Variants in RFT1 observed in about 807,000 individuals in gnomAD.
RFT1 encodes man(5)GlcNAc(2)-PP-dolichol translocation protein RFT1.
Under a neutral mutation model 62.2 loss-of-function variants are expected in RFT1, and 43 were observed. The observed-to-expected ratio is 0.69, with a 90% CI of 0.54 to 0.89. The LOEUF (loss-of-function observed/expected upper bound fraction) is 0.89, where lower values mean the gene tolerates loss of function less well. Among genes scored for constraint, RFT1 ranks in the 40% least tolerant of loss-of-function variants. The pLI, the probability that RFT1 is intolerant of heterozygous loss-of-function variation, is 0.00. For synonymous variants in RFT1, 262 were observed against 264.6 expected, an observed-to-expected ratio of 0.99 and a Z score of 0.10; for missense variants, 605 against 649.9, an observed-to-expected ratio of 0.93 and a Z score of 0.75.
At chr3:53,072,198 C>T in the RFT1 span, among the ~76,000 whole-genome samples, 1 of 152,112 alleles carries the variant, frequency 6.6e-6, no homozygotes, top group South Asian at 2.1e-4. Context: ...CTCATGTCAG[C>T]GAGGTCACAG....
At chr3:53,076,572 C>T in the RFT1 span, among the ~76,000 whole-genome samples, 36 of 152,230 alleles carry the variant, frequency 2.4e-4, no homozygotes, top group South Asian at 3.5e-3. Flanking sequence ...TATCAACTTA[C>T]GCCAAATCAT....
downstream of RFT1, among the ~76,000 whole-genome samples, chr3:53,086,376 C>T (rs1700854675): frequency 6.6e-6 from 1 of 152,024 alleles, no homozygotes; most frequent in Non-Finnish European, 1.5e-5. Flanking sequence ...AGTGCAGTGG[C>T]GCGATCTTGG....
the RFT1 span, among the ~76,000 whole-genome samples, chr3:53,071,912 C>A: frequency 1.3e-5 from 2 of 152,208 alleles, no homozygotes; most frequent in Non-Finnish European, 2.9e-5. Flanking sequence ...CAGTGAGGGG[C>A]AGCAGGGCTG....
At chr3:53,119,046 AC>A (rs1486510255) in intron 6 of RFT1, among the ~76,000 whole-genome samples, 1 of 138,936 alleles carries the variant, frequency 7.2e-6, no homozygotes, top group Non-Finnish European at 1.7e-5. Flanking sequence ...CCCTGTCTCT[AC>A]AAAAAAAAAT....
At chr3:53,093,751 T>C (rs56058643) in intron 11 of RFT1, among the ~76,000 whole-genome samples, 41,139 of 151,964 alleles carry the variant, frequency 0.27, 6,056 homozygotes, top group Middle Eastern at 0.4. Flanking sequence ...CCAGGGTTGG[T>C]GGCACACACC....
downstream of RFT1, among the ~76,000 whole-genome samples, chr3:53,087,967 A>G (rs531869742): frequency 1.5e-3 from 234 of 152,372 alleles, 2 homozygotes; most frequent in African/African-American, 5.5e-3. Context: ...AATTCTGGAA[A>G]TAACAGTCTT....
At chr3:53,077,131 T>A in the RFT1 span, among the ~76,000 whole-genome samples, 1 of 151,988 alleles carries the variant, frequency 6.6e-6, no homozygotes, top group African/African-American at 2.4e-5. Flanking sequence ...GTACCATACG[T>A]GTATTGTTTT....
intron 1 of RFT1, 106 bp from the exon 2 acceptor site, chr3:53,126,100 T>C (rs1361157540): frequency 3.3e-6 from 3 of 900,654 alleles, no homozygotes; most frequent in Non-Finnish European, 5.3e-6. Flanking sequence ...TGTAATGACA[T>C]ACAGCAGCTT....
At chr3:53,070,403 T>G in the RFT1 span, among the ~76,000 whole-genome samples, 12 of 137,288 alleles carry the variant, frequency 8.7e-5, no homozygotes, top group East Asian at 6.4e-4. Flanking sequence ...GTTTTTTTTT[T>G]TTTTTTTTTT....
chr3:53,107,791 G>A (rs1245364434), intron 7 of RFT1, among the ~76,000 whole-genome samples: 1 of 152,036 alleles, frequency 6.6e-6, no homozygotes, highest in Non-Finnish European at 1.5e-5. Flanking sequence ...CTATGGAAAA[G>A]GAGCACTAAA....
At chr3:53,073,311 G>C in the RFT1 span, among the ~76,000 whole-genome samples, 126 of 152,372 alleles carry the variant, frequency 8.3e-4, no homozygotes, top group African/African-American at 2.8e-3. Context: ...TGGGTGAGGA[G>C]AGAACCTGGG....
At chr3:53,110,466 C>A (rs574352313) in intron 7 of RFT1, among the ~76,000 whole-genome samples, 34 of 152,282 alleles carry the variant, frequency 2.2e-4, no homozygotes, top group South Asian at 1.9e-3. Context: ...CTCCCTTCCC[C>A]GAGAAGGCCT....
In RFT1 at chr3:53,089,518, T is replaced by C. The variant is rs1416607528; in HGVS notation, c.*2385A>G. On this transcript the variant is annotated 3_prime_UTR_variant, in exon 13 of 13. Coordinates refer to ENST00000296292, the MANE Select transcript of RFT1 (RefSeq NM_052859.4). ...AGTGAGGCAGGCTGGCCCACATGTA[T>C]GCAAGCTCCCTGAGGCACAGCTGTG... 1 of 152,242 alleles carries C rather than the reference T, an allele frequency of 6.6e-6. No homozygotes were observed. 9.4% of individuals were successfully genotyped at this position (152,242 alleles called of 1,614,324 possible).
chr3:53,069,138 C>A, the RFT1 span, among the ~76,000 whole-genome samples: 4 of 152,154 alleles, frequency 2.6e-5, no homozygotes, highest in South Asian at 2.1e-4. Flanking sequence ...CGGGGTTTCA[C>A]CATGTTGGCG....
chr3:53,099,277 A>AG, intron 11 of RFT1, 104 bp downstream of exon 11: 1 of 893,520 alleles, frequency 1.1e-6, no homozygotes, highest in South Asian at 1.4e-5. Flanking sequence ...CCTCTAAAAC[A>AG]GCCATCTGTA....
the RFT1 span, chr3:53,078,317 G>A: frequency 1.3e-5 from 2 of 152,274 alleles, no homozygotes; most frequent in Non-Finnish European, 2.9e-5. Context: ...GCAGGACATG[G>A]ACCCAGTGTT....
chr3:53,092,044 CCAGCCCTGCTCA>C lies in RFT1; in HGVS notation c.1473_1484del (p.Cys491_Gly494del). On this transcript the variant is annotated inframe_deletion, in exon 13 of 13. Coordinates refer to ENST00000296292, the MANE Select transcript of RFT1 (RefSeq NM_052859.4). ...CAGCAATGTGTGCCAGTCTGGCTGG[CCAGCCCTGCTCA>C]CAGCAGAGGAATACCTGGGGAAAGA... is the stretch of plus-strand genomic sequence containing the variant. The C allele has an allele frequency of 6.2e-7, 1 of 1,614,256 alleles. No homozygotes were observed. The highest frequency in any genetic ancestry group is 8.5e-7 in the Non-Finnish European group (1 of 1,180,046).
chr3:53,077,129 C>T, the RFT1 span, among the ~76,000 whole-genome samples: 16 of 152,160 alleles, frequency 1.1e-4, no homozygotes, highest in African/African-American at 2.4e-4. Flanking sequence ...ATGTACCATA[C>T]GTGTATTGTT....
intron 6 of RFT1, among the ~76,000 whole-genome samples, chr3:53,117,334 G>A (rs969329701): frequency 3.3e-5 from 5 of 152,160 alleles, no homozygotes; most frequent in African/African-American, 1.2e-4. Context: ...AGGTCACGTA[G>A]GCCAACAATC....
Sources: gnomAD v4.1 joint callset for allele counts (sites outside exome capture counted in the v4.1 genomes callset) on GRCh38, gnomAD v4.1.1 for gene constraint, MANE v1.5 for transcripts, NCBI Gene and HGNC (gene_info 2026-07-23, HGNC 2026-07-21) for gene names.